The following RNF7 variants were observed in gnomAD, a reference collection of about 807,000 sequenced individuals.
RNF7 encodes RING-box protein 2.
In RNF7, 9 loss-of-function variants were observed where a neutral mutation model predicts 17.0. The observed-to-expected ratio is 0.53, with a 90% CI of 0.32 to 0.92. The LOEUF is 0.92. Among genes scored for constraint, RNF7 ranks in the 40% least tolerant of loss-of-function variants. The pLI is 0.04. For synonymous variants in RNF7, 59 were observed against 50.5 expected (o/e 1.17, Z -0.72); for missense variants, 87 against 145.8 (o/e 0.60, Z 2.08).
At chr3:141,744,535 G>C (rs1471172212) in intron 2 of RNF7, among the ~76,000 whole-genome samples, 1 of 151,786 alleles carries the variant, frequency 6.6e-6, no homozygotes, top group Non-Finnish European at 1.5e-5. Context: ...TATTAATTTG[G>C]GAATTGTGAG....
chr3:141,743,938 T>TA (rs1237561104), intron 2 of RNF7, among the ~76,000 whole-genome samples: 5 of 152,232 alleles, frequency 3.3e-5, no homozygotes, highest in African/African-American at 9.6e-5. Context: ...ACTCTTATAA[T>TA]ACAGTATTTA....
rs1287561949 is a variant in RNF7, at chr3:141,745,788, A to G, written c.*511A>G. On this transcript the variant is annotated 3_prime_UTR_variant, in exon 3 of 3. Coordinates refer to ENST00000273480, the MANE Select transcript of RNF7 (RefSeq NM_014245.5). ...AATCTTTATGTGATATAAGGATTTTAAGTTTGGGCCAGTGAACAGGGTAAA... is the reference window on the plus strand; with the variant it reads ...AATCTTTATGTGATATAAGGATTTTGAGTTTGGGCCAGTGAACAGGGTAAA... The G allele has an allele frequency of 6.6e-6, 1 of 152,358 alleles. No individual in the cohort carries two copies. The highest frequency in any genetic ancestry group is 1.5e-5 in the Non-Finnish European group (1 of 68,076). The allele number at this position is 152,358 out of a possible 1,614,324, so 9.4% of individuals were successfully genotyped here.
At chr3:141,740,959 C>CT (rs1559831384) in intron 1 of RNF7, among the ~76,000 whole-genome samples, 2 of 152,170 alleles carry the variant, frequency 1.3e-5, no homozygotes, top group African/African-American at 4.8e-5. Flanking sequence ...ATGGATAACA[C>CT]TCTCTTCGTT....
At chr3:141,740,530 G>A (rs2107854988) in intron 1 of RNF7, among the ~76,000 whole-genome samples, 1 of 152,284 alleles carries the variant, frequency 6.6e-6, no homozygotes, top group South Asian at 2.1e-4. Context: ...ATTTACAACA[G>A]CTGTACTTTG....
chr3:141,739,224 G>T (rs1158274706), intron 1 of RNF7, among the ~76,000 whole-genome samples: 9 of 152,124 alleles, frequency 5.9e-5, no homozygotes, highest in Non-Finnish European at 1.0e-4. Flanking sequence ...TTTCAGAAAC[G>T]TAAAACTTCA....
At chr3:141,743,582 T>G (rs2084442927) in intron 2 of RNF7, 26 bp downstream of exon 2, 1 of 1,572,120 alleles carries the variant, frequency 6.4e-7, no homozygotes, top group African/African-American at 1.4e-5. Context: ...GTTCTCTTGC[T>G]TTTTCAACTG....
intron 1 of RNF7, among the ~76,000 whole-genome samples, chr3:141,741,177 TAA>T (rs1417671946): frequency 1.3e-5 from 2 of 152,198 alleles, no homozygotes; most frequent in African/African-American, 2.4e-5. Flanking sequence ...ACCTTAATAT[TAA>T]AATTCTGTGA....
chr3:141,739,210 CT>C (rs57365200), intron 1 of RNF7, among the ~76,000 whole-genome samples: 24,572 of 152,118 alleles, frequency 0.16, 2,259 homozygotes, highest in African/African-American at 0.24. Flanking sequence ...ATTGTAAGCC[CT>C]TTTTTCAGAA....
Position 141,746,772 on chromosome 3 carries a change from A to G in RNF7, c.*1495A>G, listed in dbSNP as rs1343003364. 1 of 152,258 alleles carries G rather than the reference A, an allele frequency of 6.6e-6. No homozygotes were observed. Among genetic ancestry groups the G allele is most frequent in the Non-Finnish European group, 1.5e-5 (1 of 68,048 alleles). 9.4% of individuals were successfully genotyped at this position (152,258 alleles called of 1,614,324 possible). ...TAGAATGTTTAAAAAGATAACAATT[A>G]GAATGAAAAATTAAAATTATGTATG... is the stretch of plus-strand genomic sequence containing the variant. On this transcript the variant is annotated 3_prime_UTR_variant, in exon 3 of 3. Coordinates refer to ENST00000273480, the MANE Select transcript of RNF7 (RefSeq NM_014245.5).
intron 2 of RNF7, among the ~76,000 whole-genome samples, chr3:141,744,393 T>A (rs373820703): frequency 3.9e-5 from 6 of 152,200 alleles, no homozygotes; most frequent in South Asian, 4.1e-4. Flanking sequence ...TTTCATTTAA[T>A]CTTTTTCTCT....
intron 1 of RNF7, among the ~76,000 whole-genome samples, chr3:141,739,633 G>T (rs2084394220): frequency 6.6e-6 from 1 of 152,146 alleles, no homozygotes; most frequent in South Asian, 2.1e-4. Context: ...CACCTTAAGG[G>T]GGGTGAGACT....
chr3:141,740,243 C>G (rs1473243022), intron 1 of RNF7, among the ~76,000 whole-genome samples: 1 of 149,990 alleles, frequency 6.7e-6, no homozygotes, highest in South Asian at 2.1e-4. Flanking sequence ...TTAAAGGAAA[C>G]TAAGCTTTCA....
At position 141,738,324 on chromosome 3, in the gene RNF7, C is replaced by T. The variant is rs1296813581; in HGVS notation, c.-18C>T. On this transcript the variant is annotated 5_prime_UTR_variant, in exon 1 of 3. Coordinates refer to ENST00000273480, the MANE Select transcript of RNF7 (RefSeq NM_014245.5). ...TTCCCCAAGCCAACGTCTCCGCCGT[C>T]GGCTCCGCGGCGCCGCCATGGCCGA... The T allele has an allele frequency of 1.9e-6, 3 of 1,548,474 alleles. No individual in the cohort carries two copies. The African/African-American group carries it at 4.1e-5, about 21-fold the overall frequency.
Position 141,745,337 on chromosome 3 carries a change from G to T in RNF7, c.*60G>T. 8.8e-7 allele frequency: 1 copy of T among 1,141,612 alleles called. No individual in the cohort carries two copies. Among genetic ancestry groups the T allele is most frequent in the Non-Finnish European group, 1.3e-6 (1 of 758,578 alleles). 70.7% of individuals were successfully genotyped at this position (1,141,612 alleles called of 1,614,324 possible). A position where few individuals can be genotyped will look rare whatever the true frequency, so the allele number is the denominator to read the frequency against. ...GAGCCCTGGTGGATCTTGTAATCCA[G>T]TGCCCTACAAAGGCTAGAACACTAC... On this transcript the variant is annotated 3_prime_UTR_variant, in exon 3 of 3. Transcript: ENST00000273480.
Position 141,738,364 on chromosome 3 carries a change from A to G in RNF7, c.23A>G (p.Glu8Gly), listed in dbSNP as rs1396209867. The G allele has an allele frequency of 7.6e-6, 12 of 1,581,270 alleles. No individual in the cohort carries two copies. The highest frequency in any genetic ancestry group is 1.0e-5 in the Non-Finnish European group (12 of 1,164,080). The change falls in exon 1 of 3, where the codon GAG (glutamate) becomes GGG (glycine). Residue 8 changes from glutamate to glycine, a missense_variant. By Grantham distance (98) the Glu-to-Gly change is moderately conservative. Coordinates refer to ENST00000273480, the MANE Select transcript of RNF7 (RefSeq NM_014245.5). ...GCCATGGCCGACGTGGAAGACGGAG[A>G]GGAAACCTGCGCCCTGGCCTCTCAC... MADVEDGEETCALASHSG... is the reference protein window; with the variant it reads MADVEDGGETCALASHSG...
chr3:141,741,004 G>C (rs2084410745), intron 1 of RNF7, among the ~76,000 whole-genome samples: 1 of 152,190 alleles, frequency 6.6e-6, no homozygotes, highest in African/African-American at 2.4e-5. Context: ...AAGGAGTGAT[G>C]ATTACACAGT....
At chr3:141,740,195 C>T (rs1215390206) in intron 1 of RNF7, among the ~76,000 whole-genome samples, 6 of 147,606 alleles carry the variant, frequency 4.1e-5, no homozygotes, top group Non-Finnish European at 7.4e-5. Flanking sequence ...AGACAAGTTT[C>T]GCTAAACATT....
rs1048512369 is a variant in RNF7, at chr3:141,747,285, G to A, written c.*2008G>A. ...ACATACTCATCAGAGGGAACATGCCGGGACAATTTTGGGTTCCAATACAAA... is the reference window on the plus strand; with the variant it reads ...ACATACTCATCAGAGGGAACATGCCAGGACAATTTTGGGTTCCAATACAAA... On this transcript the variant is annotated 3_prime_UTR_variant, in exon 3 of 3. Transcript: ENST00000273480. 5 of 152,170 alleles carry A rather than the reference G, an allele frequency of 3.3e-5. No homozygotes were observed. In the East Asian group the frequency reaches 5.8e-4, roughly 18 times the overall value. The allele number at this position is 152,170 out of a possible 1,614,324, so 9.4% of individuals were successfully genotyped here.
chr3:141,742,866 A>C (rs1453136951), intron 1 of RNF7: 3 of 1,105,286 alleles, frequency 2.7e-6, no homozygotes, highest in Non-Finnish European at 3.3e-6. Context: ...AGAAAGTAAA[A>C]AGTTGCTTCT....
Sources: gnomAD v4.1 joint callset for allele counts (sites outside exome capture counted in the v4.1 genomes callset) on GRCh38, gnomAD v4.1.1 for gene constraint, MANE v1.5 for transcripts, NCBI Gene and HGNC (gene_info 2026-07-23, HGNC 2026-07-21) for gene names.